The following IAPP variants were observed in gnomAD, a reference collection of about 807,000 sequenced individuals.
IAPP encodes the protein islet amyloid polypeptide, also known as Islet amyloid polypeptide (diabetes-associated peptide; amylin).
IAPP carries 4 observed loss-of-function variants against 2.9 expected under a neutral mutation model. The ratio of observed to expected loss-of-function variants is 1.39; its 90% confidence interval spans 0.69 to 3.19. IAPP has a LOEUF of 3.19. Ranked by LOEUF, IAPP falls within the 30% of genes most tolerant of loss-of-function variation. The pLI, the probability that IAPP is intolerant of heterozygous loss-of-function variation, is 0.01. For synonymous variants in IAPP, 40 were observed against 42.1 expected (o/e 0.95, Z 0.19); for missense variants, 114 against 105.3 (o/e 1.08, Z -0.36).
chr12:21,359,400 TG>T (rs1174867134), intron 1 of IAPP, among the ~76,000 whole-genome samples: 1 of 151,172 alleles, frequency 6.6e-6, no homozygotes, highest in Non-Finnish European at 1.5e-5. Context: ...AAAACATTAG[TG>T]AAAAAAAAAA....
At chr12:21,364,558 G>A (rs748456818) in intron 1 of IAPP, among the ~76,000 whole-genome samples, 6 of 152,042 alleles carry the variant, frequency 3.9e-5, no homozygotes, top group Non-Finnish European at 8.8e-5. Context: ...GGCAATCAGG[G>A]AAGAGAAAGA....
intron 2 of IAPP, chr12:21,373,819 T>A: frequency 1.7e-6 from 1 of 603,358 alleles, no homozygotes; most frequent in Non-Finnish European, 2.9e-6. Context: ...AAGTGGATTC[T>A]TTTTGTATAT....
chr12:21,364,195 C>A (rs2137060535), intron 1 of IAPP, among the ~76,000 whole-genome samples: 1 of 152,270 alleles, frequency 6.6e-6, no homozygotes, highest in East Asian at 1.9e-4. Context: ...AAAGCTTATC[C>A]ACCATGATCA....
At chr12:21,363,536 A>C (rs536773317) in intron 1 of IAPP, among the ~76,000 whole-genome samples, 1 of 152,338 alleles carries the variant, frequency 6.6e-6, no homozygotes, top group African/African-American at 2.4e-5. Flanking sequence ...GGCAAGAAAT[A>C]ACTAAGATCA....
upstream of IAPP, among the ~76,000 whole-genome samples, chr12:21,371,138 A>G (rs908580098): frequency 2.6e-5 from 4 of 152,184 alleles, no homozygotes; most frequent in Admixed American, 2.6e-4. Flanking sequence ...GGGAAGTGGT[A>G]GTAATTTTTG....
intron 1 of IAPP, among the ~76,000 whole-genome samples, chr12:21,357,069 T>C (rs541028558): frequency 1.3e-5 from 2 of 152,154 alleles, no homozygotes; most frequent in East Asian, 3.9e-4. Flanking sequence ...AAAGAAAGGA[T>C]AAAAACAAAC....
rs761448825 is a variant in IAPP at position 21,378,382 on chromosome 12, G to C, written c.226G>C (p.Val76Leu). ...GSNTYGKRNA[V>L]EVLKREPLNY... ...CAATACATATGGCAAGAGGAATGCAGTAGAGGTTTTAAAGAGAGAGCCACT... is the reference window on the plus strand; with the variant it reads ...CAATACATATGGCAAGAGGAATGCACTAGAGGTTTTAAAGAGAGAGCCACT... Residue 76 changes from valine to leucine, a missense_variant, in exon 3 of 3, where the codon GTA becomes CTA. Transcript: ENST00000240652. The C allele has an allele frequency of 2.5e-6, 4 of 1,614,096 alleles. No individual in the cohort carries two copies. The highest frequency in any genetic ancestry group is 2.5e-6 in the Non-Finnish European group (3 of 1,179,932).
At chr12:21,373,237 T>C in intron 1 of IAPP, 100 bp from the exon 2 acceptor site, 1 of 778,896 alleles carries the variant, frequency 1.3e-6, no homozygotes, top group Admixed American at 2.1e-5. Flanking sequence ...AATTACGTTT[T>C]AAAAAGATGT....
At chr12:21,361,283 T>A (rs555933026) in intron 1 of IAPP, among the ~76,000 whole-genome samples, 6 of 152,206 alleles carry the variant, frequency 3.9e-5, no homozygotes, top group African/African-American at 1.4e-4. Context: ...GGGTCTGGAG[T>A]GGACCTCCAG....
intron 2 of IAPP, chr12:21,373,872 TAAA>T (rs915974955): frequency 2.6e-5 from 13 of 495,574 alleles, no homozygotes; most frequent in Non-Finnish European, 4.3e-5. Context: ...CTGGAAATGT[TAAA>T]AACTTTTACA....
intron 1 of IAPP, among the ~76,000 whole-genome samples, chr12:21,364,096 A>G (rs1939170651): frequency 6.6e-6 from 1 of 152,218 alleles, no homozygotes; most frequent in Non-Finnish European, 1.5e-5. Flanking sequence ...CACAACAAAA[A>G]AAGAGAATTT....
At chr12:21,374,181 A>ATG (rs1940014057) in intron 2 of IAPP, among the ~76,000 whole-genome samples, 1 of 152,212 alleles carries the variant, frequency 6.6e-6, no homozygotes, top group African/African-American at 2.4e-5. Context: ...AATTAAGGAC[A>ATG]TCTAACAACT....
At chr12:21,362,193 C>T (rs1046436985) in intron 1 of IAPP, among the ~76,000 whole-genome samples, 22 of 152,158 alleles carry the variant, frequency 1.4e-4, no homozygotes, top group Admixed American at 5.9e-4. Context: ...TAACAGTGAG[C>T]GGGTCTCTCG....
At chr12:21,371,076 A>G (rs552398796), upstream of IAPP, among the ~76,000 whole-genome samples, 1 of 152,302 alleles carries the variant, frequency 6.6e-6, no homozygotes, top group South Asian at 2.1e-4. Flanking sequence ...TCATATTTAT[A>G]CCCACTTTTA....
intron 1 of IAPP, among the ~76,000 whole-genome samples, chr12:21,362,495 T>A (rs1938994357): frequency 6.6e-6 from 1 of 152,126 alleles, no homozygotes; most frequent in East Asian, 1.9e-4. Flanking sequence ...CATCAACTAA[T>A]GAGCAAAATA....
intron 1 of IAPP, among the ~76,000 whole-genome samples, chr12:21,365,902 G>T (rs940621935): frequency 2.0e-4 from 31 of 152,178 alleles, no homozygotes; most frequent in African/African-American, 7.5e-4. Context: ...GGAAACAACA[G>T]GTGCTGGAGA....
upstream of IAPP, among the ~76,000 whole-genome samples, chr12:21,368,834 A>T (rs890046889): frequency 6.6e-5 from 10 of 152,158 alleles, no homozygotes; most frequent in Non-Finnish European, 1.3e-4. Flanking sequence ...AATTTATTAA[A>T]CTATTTTACG....
At chr12:21,373,111 A>G in intron 1 of IAPP, 107 bp downstream of exon 1, 1 of 546,292 alleles carries the variant, frequency 1.8e-6, no homozygotes, top group Middle Eastern at 5.1e-4. Flanking sequence ...AGAATGTATT[A>G]CAATATAAAT....
chr12:21,363,101 A>C (rs1310432858), intron 1 of IAPP, among the ~76,000 whole-genome samples: 1 of 152,230 alleles, frequency 6.6e-6, no homozygotes, highest in African/African-American at 2.4e-5. Context: ...CATTCTTCTC[A>C]GCAACACATC....
Sources: allele counts gnomAD v4.1 joint callset (sites outside exome capture counted in the v4.1 genomes callset), GRCh38; gene constraint gnomAD v4.1.1; transcripts MANE v1.5; gene names NCBI Gene and HGNC (gene_info 2026-07-23, HGNC 2026-07-21).